The following SLC14A2 variants were observed in gnomAD, a reference collection of about 807,000 sequenced individuals.
SLC14A2 encodes solute carrier family 14 member 2, also known as urea transporter 2.
In SLC14A2, 91 loss-of-function variants were observed where a neutral mutation model predicts 104.6. That is an observed-to-expected ratio of 0.87 (90% CI 0.73 to 1.04). SLC14A2 has a LOEUF of 1.04. SLC14A2 is among the 50% of genes least tolerant of loss of function. The pLI, the probability that SLC14A2 is intolerant of heterozygous loss-of-function variation, is 0.00. For missense variants in SLC14A2, 1,189 were observed against 1,156.0 expected, an observed-to-expected ratio of 1.03 and a Z score of -0.41; for synonymous variants, 476 against 466.4, an observed-to-expected ratio of 1.02 and a Z score of -0.27.
At chr18:45,193,134 C>T in the SLC14A2 span, among the ~76,000 whole-genome samples, 1 of 152,140 alleles carries the variant, frequency 6.6e-6, no homozygotes, top group Non-Finnish European at 1.5e-5. Flanking sequence ...ATTCTGAATA[C>T]AATCCTTTAG....
At chr18:45,592,266 C>A (rs2044659085) in intron 2 of SLC14A2, among the ~76,000 whole-genome samples, 1 of 152,094 alleles carries the variant, frequency 6.6e-6, no homozygotes, top group Non-Finnish European at 1.5e-5. Context: ...GATTTTTCAA[C>A]CTCTCTTCCC....
intron 2 of SLC14A2, among the ~76,000 whole-genome samples, chr18:45,544,923 A>G (rs1344601833): frequency 6.6e-6 from 1 of 151,000 alleles, no homozygotes; most frequent in African/African-American, 2.4e-5. Flanking sequence ...CTCCCAAGTA[A>G]CCGGGATTAC....
chr18:45,625,810 A>G lies in SLC14A2; in HGVS notation c.278A>G (p.Lys93Arg). The change falls in exon 3 of 20, where the codon AAA becomes AGA. Residue 93 changes from lysine (K) to arginine (R), a missense_variant. Physicochemically the swap from Lys to Arg is conservative, Grantham distance 26. Coordinates refer to ENST00000255226, the MANE Select transcript of SLC14A2 (RefSeq NM_007163.4). ...SAGQRCICLS[K>R]AVGYLTGDMK... ...GGCCAAAGGTGCATCTGCCTCTCCA[A>G]AGCAGTGGGCTACCTCACGGGCGAC... 1 of 1,530,084 alleles carries G rather than the reference A, an allele frequency of 6.5e-7. No individual in the cohort carries two copies. Among genetic ancestry groups the G allele is most frequent in the Non-Finnish European group, 8.7e-7 (1 of 1,143,940 alleles). 94.8% of individuals were successfully genotyped at this position (1,530,084 alleles called of 1,614,324 possible).
intron 1 of SLC14A2, among the ~76,000 whole-genome samples, chr18:45,255,565 G>A (rs573672022): frequency 2.6e-5 from 4 of 152,284 alleles, no homozygotes; most frequent in African/African-American, 7.2e-5. Flanking sequence ...ACCTTTGGCC[G>A]TGGTTTCAGA....
intron 1 of SLC14A2, among the ~76,000 whole-genome samples, chr18:45,227,778 C>A (rs1036076749): frequency 6.6e-6 from 1 of 152,114 alleles, no homozygotes; most frequent in Non-Finnish European, 1.5e-5. Context: ...ATGTAAGTAC[C>A]AATCCAGAAA....
At chr18:45,596,590 G>A (rs954597122) in intron 2 of SLC14A2, among the ~76,000 whole-genome samples, 35 of 152,280 alleles carry the variant, frequency 2.3e-4, no homozygotes, top group African/African-American at 7.9e-4. Flanking sequence ...GCAGGTGTGC[G>A]TGTTCCCATC....
At chr18:45,470,164 G>A (rs2087220977) in intron 1 of SLC14A2, among the ~76,000 whole-genome samples, 1 of 152,026 alleles carries the variant, frequency 6.6e-6, no homozygotes, top group South Asian at 2.1e-4. Context: ...TATTTATAAT[G>A]TTTAGATCAT....
Position 45,393,276 on chromosome 18 carries a change from G to T in SLC14A2, c.-124-89957G>T, listed in dbSNP as rs1263052394. On this transcript the variant is annotated intron_variant, in intron 1 of 20. Transcript: ENST00000586448. ...TTGGGAGCTGAGTGTGAATAGGGAAGTGATGTGACTTAGAAGAGTCCAGGA... is the reference window on the plus strand; with the variant it reads ...TTGGGAGCTGAGTGTGAATAGGGAATTGATGTGACTTAGAAGAGTCCAGGA... Among the ~76,000 whole-genome samples, 5 of 152,228 alleles carry T rather than the reference G, an allele frequency of 3.3e-5. No individual in the cohort carries two copies. In the East Asian group the frequency reaches 5.8e-4, roughly 18 times the overall value.
intron 1 of SLC14A2, among the ~76,000 whole-genome samples, chr18:45,347,329 T>G (rs1199471943): frequency 1.3e-5 from 2 of 152,248 alleles, no homozygotes; most frequent in Non-Finnish European, 2.9e-5. Flanking sequence ...CACTCTAGCC[T>G]GGGCAACAGA....
At chr18:45,226,739 A>T (rs998615390) in intron 1 of SLC14A2, among the ~76,000 whole-genome samples, 2 of 152,078 alleles carry the variant, frequency 1.3e-5, no homozygotes, top group African/African-American at 4.8e-5. Context: ...TGGGTGCAGC[A>T]CACCAACATG....
chr18:45,237,300 C>T (rs1407066582), intron 1 of SLC14A2, among the ~76,000 whole-genome samples: 2 of 152,090 alleles, frequency 1.3e-5, no homozygotes, highest in African/African-American at 4.8e-5. Context: ...ACACTAGACC[C>T]CTTGTTTTTA....
At chr18:45,666,029 G>C in intron 11 of SLC14A2, 108 bp from the exon 12 acceptor site, 1 of 763,686 alleles carries the variant, frequency 1.3e-6, no homozygotes, top group Non-Finnish European at 2.3e-6. Flanking sequence ...AGTAGGAACA[G>C]GAAATACTGC....
chr18:45,669,457 G>A lies in SLC14A2; in HGVS notation c.2188G>A (p.Ala730Thr), dbSNP rs779856526. 1.3e-5 allele frequency: 21 copies of A among 1,613,912 alleles called. No homozygotes were observed. In the East Asian group the frequency reaches 3.8e-4, roughly 29 times the overall value. ...FPTTLLQPAS[A>T]MPNITWSEVQ... ...CACAACGCTGCTGCAGCCTGCATCC[G>A]CCATGCCCAACATCACCTGGTCAGA... Residue 730 changes from alanine (A) to threonine (T), a missense_variant, in exon 16 of 20, where the codon GCC (alanine) becomes ACC (threonine). Ala to Thr is a moderately conservative substitution (Grantham distance 58, BLOSUM62 0). Coordinates refer to ENST00000255226, the MANE Select transcript of SLC14A2 (RefSeq NM_007163.4).
intron 2 of SLC14A2, among the ~76,000 whole-genome samples, chr18:45,567,055 A>AGTGTGT (rs3058364): frequency 0.12 from 16,645 of 139,622 alleles, 1,052 homozygotes; most frequent in South Asian, 0.15. Context: ...ATGTGCACAT[A>AGTGTGT]GTGTGTGTGT....
intron 1 of SLC14A2, among the ~76,000 whole-genome samples, chr18:45,267,819 CTG>C (rs1942257978): frequency 6.6e-6 from 1 of 152,126 alleles, no homozygotes; most frequent in Non-Finnish European, 1.5e-5. Context: ...TTCCCAATGA[CTG>C]TGATGGAAAC....
chr18:45,602,236 T>C (rs1237000327), intron 2 of SLC14A2, among the ~76,000 whole-genome samples: 1 of 152,154 alleles, frequency 6.6e-6, no homozygotes, highest in Non-Finnish European at 1.5e-5. Context: ...ACACAATAGG[T>C]ATTCAACTAA....
At chr18:45,243,809 T>G (rs2084341668) in intron 1 of SLC14A2, among the ~76,000 whole-genome samples, 1 of 152,172 alleles carries the variant, frequency 6.6e-6, no homozygotes, top group Non-Finnish European at 1.5e-5. Context: ...TGAATATACG[T>G]TCATTAATTG....
chr18:45,566,460 T>C (rs2044267020), intron 2 of SLC14A2, among the ~76,000 whole-genome samples: 1 of 152,122 alleles, frequency 6.6e-6, no homozygotes, highest in South Asian at 2.1e-4. Flanking sequence ...AAAAAGCTGA[T>C]GGCAGGCCTC....
intron 2 of SLC14A2, among the ~76,000 whole-genome samples, chr18:45,580,575 T>C (rs979355544): frequency 6.6e-6 from 1 of 152,194 alleles, no homozygotes; most frequent in Non-Finnish European, 1.5e-5. Flanking sequence ...AGGAGAATAA[T>C]TGTAGCTAGT....
Sources: gnomAD v4.1 joint callset for allele counts (sites outside exome capture counted in the v4.1 genomes callset) on GRCh38, gnomAD v4.1.1 for gene constraint, MANE v1.5 for transcripts, NCBI Gene and HGNC (gene_info 2026-07-23, HGNC 2026-07-21) for gene names.